The following LAMB2 variants were observed in gnomAD, a reference collection of about 807,000 sequenced individuals.
LAMB2 encodes the protein laminin subunit beta-2.
In LAMB2, 119 loss-of-function variants were observed where a neutral mutation model predicts 202.7. That is an observed-to-expected ratio of 0.59 (90% CI 0.51 to 0.68). The LOEUF (loss-of-function observed/expected upper bound fraction) is 0.68, where lower values mean the gene tolerates loss of function less well. LAMB2 is among the 30% of genes least tolerant of loss of function. LAMB2 has a pLI of 0.00. For missense variants in LAMB2, 2,124 were observed against 2,410.6 expected, an observed-to-expected ratio of 0.88 and a Z score of 2.49; for synonymous variants, 818 against 902.2, an observed-to-expected ratio of 0.91 and a Z score of 1.67.
At position 49,130,630 on chromosome 3, in the gene LAMB2, CTT is replaced by C. The variant is rs2045470352; in HGVS notation, c.1036+108_1036+109del. 2 of 1,549,008 alleles carry C rather than the reference CTT, an allele frequency of 1.3e-6. No individual in the cohort carries two copies. The highest frequency in any genetic ancestry group is 1.8e-6 in the Non-Finnish European group (2 of 1,130,956). ...CAAGGGGCATCAAGGTCTGCATACT[CTT>C]TGGATACAGCCTGGGTTTTAGGGGC... On this transcript the variant is annotated intron_variant, in intron 8 of 31. Transcript: ENST00000305544. This position sits in a 1 kb window ranked among gnomAD's most constrained non-coding sequence, Gnocchi z 5.0.
In LAMB2 at chr3:49,129,646, G is replaced by A. The variant is rs752032291; in HGVS notation, c.1476C>T (p.Tyr492=). The A allele has an allele frequency of 3.3e-5, 54 of 1,614,038 alleles. No homozygotes were observed. The East Asian group carries it at 1.2e-3, about 36-fold the overall frequency. Residue 492 remains tyrosine, a synonymous_variant, in exon 11 of 32, where the codon TAC becomes TAT. Transcript: ENST00000305544. The surrounding 1 kb of genome is among the most constrained non-coding windows in gnomAD (Gnocchi z 6.1). ...CACGTCCAGTCACTAGACGTTTGCAGTAACAGGATCCACTGTTGGGGTCAC... is the reference window on the plus strand; with the variant it reads ...CACGTCCAGTCACTAGACGTTTGCAATAACAGGATCCACTGTTGGGGTCAC... The part of the protein sequence containing the change: ...TPCDPNSGSC[Y]CKRLVTGRGC...
At chr3:49,128,055 A>G (rs1211059675) in intron 15 of LAMB2, among the ~76,000 whole-genome samples, 1 of 151,594 alleles carries the variant, frequency 6.6e-6, no homozygotes, top group African/African-American at 2.4e-5. Flanking sequence ...GAAAAGAAAA[A>G]AAAAAGAAAC....
At position 49,121,939 on chromosome 3, in the gene LAMB2, C is replaced by T. The variant is rs1460477208; in HGVS notation, c.4923+5G>A. The T allele has an allele frequency of 6.2e-7, 1 of 1,613,886 alleles. No individual in the cohort carries two copies. The highest frequency in any genetic ancestry group is 1.3e-5 in the African/African-American group (1 of 74,924). On this transcript the variant is annotated splice_donor_5th_base_variant and intron_variant, in intron 29 of 31. Transcript: ENST00000305544. ...TGTCCCACTGATGTCCTAGGAAGAC[C>T]TCACCTGGTACAGGGTCTGCTCTGT...
chr3:49,129,922 T>G lies in LAMB2; in HGVS notation c.1322A>C (p.Lys441Thr). The G allele has an allele frequency of 6.2e-7, 1 of 1,614,032 alleles. No homozygotes were observed. The highest frequency in any genetic ancestry group is 8.5e-7 in the Non-Finnish European group (1 of 1,180,034). The change falls in exon 10 of 32, where the codon AAA (lysine) becomes ACA (threonine). Residue 441 changes from lysine (K) to threonine (T), a missense_variant. By Grantham distance (78) the Lys-to-Thr change is moderately conservative. Coordinates refer to ENST00000305544, the MANE Select transcript of LAMB2 (RefSeq NM_002292.4). The surrounding 1 kb of genome is among the most constrained non-coding windows in gnomAD (Gnocchi z 6.1). ...GCAGCGAGTGCCCACCACATGTTCT[T>G]TGCAGCGACACTGGCCGGAGACCAG... ...LGLVSGQCRC[K>T]EHVVGTRCQQ...
At position 49,130,916 on chromosome 3, in the gene LAMB2, C is replaced by T. The variant is rs1455432885; in HGVS notation, c.915+34G>A. On this transcript the variant is annotated intron_variant, in intron 7 of 31. Transcript: ENST00000305544. The surrounding 1 kb of genome is among the most constrained non-coding windows in gnomAD (Gnocchi z 5.0). ...CTGCTCAGCCATGTCCGCCCCTGCC[C>T]CTAGCCCTATCCCAACCGTCTGAAG... 2.5e-6 allele frequency: 4 copies of T among 1,614,024 alleles called. No homozygotes were observed. The African/African-American group carries it at 4.0e-5, about 16-fold the overall frequency.
At chr3:49,123,420 C>T in intron 25 of LAMB2, 27 bp downstream of exon 25, 2 of 1,614,076 alleles carry the variant, frequency 1.2e-6, no homozygotes, top group Non-Finnish European at 1.7e-6. Context: ...GACCCTGGTC[C>T]ACCTGCCTAG....
Position 49,129,363 on chromosome 3 carries a change from C to T in LAMB2, c.1519-39G>A, listed in dbSNP as rs1398064768. ...GTTGCTGGGGGCCAGAAACAGACCT[C>T]CAGACCCCATCACCACCCAGCAGGA... On this transcript the variant is annotated intron_variant, in intron 11 of 31. Transcript: ENST00000305544. The surrounding 1 kb of genome is among the most constrained non-coding windows in gnomAD (Gnocchi z 6.1). 2.6e-6 allele frequency: 4 copies of T among 1,566,390 alleles called. No homozygotes were observed. Among genetic ancestry groups the T allele is most frequent in the Admixed American group, 1.7e-5 (1 of 59,270 alleles).
In LAMB2 at chr3:49,122,045, G is replaced by T. The variant is rs777742373; in HGVS notation, c.4822C>A (p.Gln1608Lys). The stretch of plus-strand genomic sequence containing the variant: ...CGCTGGGCCTCCTCCAGTGCTGCCT[G>T]TACTGTCTCTGCCTTCTGTTTCTCA... ...EDEKQKAETV[Q>K]AALEEAQRAQ... The change falls in exon 29 of 32, where the codon CAG becomes AAG. Residue 1608 changes from glutamine to lysine, a missense_variant. Around this residue, in one of 3 missense-constraint regions of LAMB2, gnomAD observed 1,702 missense variants for 1,896.3 expected, o/e 0.90. Coordinates refer to ENST00000305544, the MANE Select transcript of LAMB2 (RefSeq NM_002292.4). The T allele has an allele frequency of 2.2e-5, 35 of 1,613,500 alleles. No homozygotes were observed. Among genetic ancestry groups the T allele is most frequent in the Non-Finnish European group, 3.0e-5 (35 of 1,180,044 alleles).
Position 49,125,084 on chromosome 3 carries a change from G to C in LAMB2, c.2806C>G (p.Gln936Glu), listed in dbSNP as rs772321876. 3 of 1,613,918 alleles carry C rather than the reference G, an allele frequency of 1.9e-6. No individual in the cohort carries two copies. Among genetic ancestry groups the C allele is most frequent in the Admixed American group, 3.3e-5 (2 of 60,034 alleles). ...TGGCAAGAAGTAGCAAAGTGCCGTT[G>C]GCTCCCAGGGCCTTCAGGACAGGGA... is the stretch of plus-strand genomic sequence containing the variant. ...PCPCPEGPGS[Q>E]RHFATSCHQD... The change falls in exon 20 of 32, where the codon CAA becomes GAA. Residue 936 changes from glutamine to glutamate, a missense_variant. Transcript: ENST00000305544.
In LAMB2 at chr3:49,121,149, G is replaced by T; in HGVS notation, c.*77C>A. On this transcript the variant is annotated 3_prime_UTR_variant, in exon 32 of 32. Transcript: ENST00000305544. Reference sequence around the variant, plus strand: ...CACTGGTTTATTGGGGGCCCTGCCGGGCCAAGAGCTCTTCAGTGCATAGGC... The same window carrying T: ...CACTGGTTTATTGGGGGCCCTGCCGTGCCAAGAGCTCTTCAGTGCATAGGC... 6.4e-7 allele frequency: 1 copy of T among 1,567,752 alleles called. No individual in the cohort carries two copies.
Position 49,132,852 on chromosome 3 carries a change from T to C in LAMB2, c.16A>G (p.Arg6Gly). 6.2e-7 allele frequency: 1 copy of C among 1,614,088 alleles called. No homozygotes were observed. Among genetic ancestry groups the C allele is most frequent in the Non-Finnish European group, 8.5e-7 (1 of 1,180,000 alleles). The change falls in exon 1 of 32, where the codon AGG (arginine) becomes GGG (glycine). Residue 6 changes from arginine to glycine, a missense_variant. Physicochemically the swap from Arg to Gly is moderately radical, Grantham distance 125. This residue lies in a region of LAMB2 where 166 missense variants were observed against 158.2 expected (regional missense o/e 1.05). Transcript: ENST00000305544. The surrounding 1 kb of genome is among the most constrained non-coding windows in gnomAD (Gnocchi z 4.6). ...AGAGGCTGTCCCCTCCCTCTTTCCC[T>C]TGAGGTCAGCTCCATCCTGAAGAGG... MELTSRERGRGQPLPW... is the reference protein window; with the variant it reads MELTSGERGRGQPLPW...
In LAMB2 at chr3:49,121,242, T is replaced by C. The variant is rs769627057; in HGVS notation, c.5381A>G (p.Tyr1794Cys). The change falls in exon 32 of 32, where the codon TAC (tyrosine) becomes TGC (cysteine). Residue 1794 changes from tyrosine (Y) to cysteine (C), a missense_variant. Physicochemically the swap from Tyr to Cys is radical, Grantham distance 194. Around this residue, in one of 3 missense-constraint regions of LAMB2, gnomAD observed 1,702 missense variants for 1,896.3 expected, o/e 0.90. Transcript: ENST00000305544. ...LQAINLQVQI[Y>C]NTCQ ...GGGCAGGGGTCACTGGCAGGTGTTG[T>C]AGATCTGCACCTGCAAGTTGATGGC... is the stretch of plus-strand genomic sequence containing the variant. The C allele has an allele frequency of 6.2e-7, 1 of 1,612,220 alleles. No individual in the cohort carries two copies. Among genetic ancestry groups the C allele is most frequent in the South Asian group, 1.1e-5 (1 of 91,000 alleles).
rs750938320 is a variant in LAMB2 at position 49,121,306 on chromosome 3, A to G, written c.5317T>C (p.Leu1773=). The G allele has an allele frequency of 8.7e-6, 14 of 1,613,580 alleles. No individual in the cohort carries two copies. Among genetic ancestry groups the G allele is most frequent in the East Asian group, 4.5e-5 (2 of 44,888 alleles). ...CGCATCCTGGCCTCCAACCCGTCCA[A>G]CTGGGCTGCCTTACTCTCCAGTGCC... ...ERALESKAAQ[L]DGLEARMRSV... The change falls in exon 32 of 32, where the codon TTG becomes CTG. Residue 1773 remains leucine, a synonymous_variant. Coordinates refer to ENST00000305544, the MANE Select transcript of LAMB2 (RefSeq NM_002292.4).
Position 49,129,753 on chromosome 3 carries a change from T to A in LAMB2, c.1406-37A>T, listed in dbSNP as rs2045461097. On this transcript the variant is annotated intron_variant, in intron 10 of 31. Coordinates refer to ENST00000305544, the MANE Select transcript of LAMB2 (RefSeq NM_002292.4). This position sits in a 1 kb window ranked among gnomAD's most constrained non-coding sequence, Gnocchi z 6.1. ...GAGAACCATCAGCACTTTGGGAAAC[T>A]GTGGCAGTGCTCATGTTCAGCTGAG... is the stretch of plus-strand genomic sequence containing the variant. The A allele has an allele frequency of 6.2e-7, 1 of 1,609,936 alleles. No homozygotes were observed. The highest frequency in any genetic ancestry group is 2.2e-5 in the East Asian group (1 of 44,862).
chr3:49,123,778 G>A lies in LAMB2; in HGVS notation c.3747C>T (p.Asn1249=), dbSNP rs763159475. ...GCTGTGCAGTGGAGGCGGCTGAGGT[G>A]TTGCGGGCACCTACGATGCCCTGCA... The part of the protein sequence containing the change: ...GIVQGIVGAR[N]TSAASTAQLV... Residue 1249 remains asparagine (N), a synonymous_variant, in exon 24 of 32, where the codon AAC becomes AAT. Coordinates refer to ENST00000305544, the MANE Select transcript of LAMB2 (RefSeq NM_002292.4). The A allele has an allele frequency of 8.7e-6, 14 of 1,613,358 alleles. No homozygotes were observed. Among genetic ancestry groups the A allele is most frequent in the Admixed American group, 1.7e-5 (1 of 60,032 alleles).
Position 49,123,507 on chromosome 3 carries a change from T to A in LAMB2, c.3922A>T (p.Asn1308Tyr), listed in dbSNP as rs1298557580. 7 of 1,614,062 alleles carry A rather than the reference T, an allele frequency of 4.3e-6. No homozygotes were observed. In the South Asian group the frequency reaches 4.4e-5, roughly 10 times the overall value. The change falls in exon 25 of 32, where the codon AAT becomes TAT. Residue 1308 changes from asparagine to tyrosine, a missense_variant. Asn to Tyr is a moderately radical substitution (Grantham distance 143). Transcript: ENST00000305544. The part of the protein sequence containing the change: ...SGLERDRLAL[N>Y]LTLRQLDQHL... Reference sequence around the variant, plus strand: ...TGGTCGAGCTGCCGCAGTGTGAGATTAAGTGCAAGCCTATCTCGCTCCAGA... The same window carrying A: ...TGGTCGAGCTGCCGCAGTGTGAGATAAAGTGCAAGCCTATCTCGCTCCAGA...
Position 49,131,970 on chromosome 3 carries a change from C to G in LAMB2, c.459+146G>C, listed in dbSNP as rs1278464252. On this transcript the variant is annotated intron_variant, in intron 4 of 31. Coordinates refer to ENST00000305544, the MANE Select transcript of LAMB2 (RefSeq NM_002292.4). This position sits in a 1 kb window ranked among gnomAD's most constrained non-coding sequence, Gnocchi z 5.0. ...AAAGGCAGAAGAGCATGTGCAAAGG[C>G]CTGGAGGCAAATGGAAGGTGTGAAG... 9.9e-6 allele frequency: 9 copies of G among 908,278 alleles called. No individual in the cohort carries two copies. The highest frequency in any genetic ancestry group is 1.9e-5 in the Admixed American group (1 of 51,830). 56.3% of individuals were successfully genotyped at this position (908,278 alleles called of 1,614,324 possible).
In LAMB2 at chr3:49,132,056, TC is replaced by T; in HGVS notation, c.459+59del. 2.0e-6 allele frequency: 3 copies of T among 1,504,866 alleles called. No individual in the cohort carries two copies. The highest frequency in any genetic ancestry group is 1.7e-4 in the Middle Eastern group (1 of 5,728). The allele number at this position is 1,504,866 out of a possible 1,614,324, so 93.2% of individuals were successfully genotyped here. A position where few individuals can be genotyped will look rare whatever the true frequency, so the allele number is the denominator to read the frequency against. On this transcript the variant is annotated intron_variant, in intron 4 of 31. Coordinates refer to ENST00000305544, the MANE Select transcript of LAMB2 (RefSeq NM_002292.4). This position sits in a 1 kb window ranked among gnomAD's most constrained non-coding sequence, Gnocchi z 4.6. The stretch of plus-strand genomic sequence containing the variant: ...GCTGTGTTAAGGAGCTGAGGCTCTG[TC>T]CAGGGGCAATGGAGAGCCAAGCAGG...
At chr3:49,128,867 T>G (rs2107642490) in intron 13 of LAMB2, 48 bp from the exon 14 acceptor site, 1 of 1,604,648 alleles carries the variant, frequency 6.2e-7, no homozygotes, top group South Asian at 1.1e-5. Flanking sequence ...AGGCTTTGCC[T>G]CTTCTGCCAC....
Sources: allele counts gnomAD v4.1 joint callset (sites outside exome capture counted in the v4.1 genomes callset), GRCh38; gene constraint gnomAD v4.1.1; regional missense constraint gnomAD v4.1.1; non-coding constraint Gnocchi (gnomAD v3.1); transcripts MANE v1.5; gene names NCBI Gene and HGNC (gene_info 2026-07-23, HGNC 2026-07-21).